The following ABCC9 variants were observed in gnomAD, a reference collection of about 807,000 sequenced individuals.
ABCC9 encodes ATP binding cassette subfamily C member 9.
A neutral mutation model predicts 188.3 loss-of-function variants in ABCC9; 95 were observed. The ratio of observed to expected loss-of-function variants is 0.50; its 90% CI spans 0.43 to 0.60. ABCC9 has a LOEUF of 0.60. Ranked by LOEUF, ABCC9 falls within the 20% of genes least tolerant of loss-of-function variation. ABCC9 has a pLI of 0.00. For missense variants in ABCC9, 1,102 were observed against 1,876.3 expected, an observed-to-expected ratio of 0.59 and a Z score of 7.62; for synonymous variants, 659 against 652.7, an observed-to-expected ratio of 1.01 and a Z score of -0.15.
Position 21,848,130 on chromosome 12 carries a change from A to T in ABCC9, c.2866+20T>A, listed in dbSNP as rs766343677. On this transcript the variant is annotated intron_variant, in intron 25 of 39. Transcript: ENST00000261200. ...CTGTTATCCCATTAGAATGTTCCAG[A>T]TAAAAGAAAAAAGATCTACCTTCGT... 5 of 1,607,200 alleles carry T rather than the reference A, an allele frequency of 3.1e-6. No individual in the cohort carries two copies. Among genetic ancestry groups the T allele is most frequent in the African/African-American group, 1.3e-5 (1 of 74,786 alleles).
chr12:21,811,581 C>A (rs541345127), intron 36 of ABCC9, among the ~76,000 whole-genome samples: 1 of 151,980 alleles, frequency 6.6e-6, no homozygotes, highest in East Asian at 1.9e-4. Flanking sequence ...ATATCCCCCC[C>A]GCCCTTTTTT....
intron 22 of ABCC9, 133 bp from the exon 23 acceptor site, chr12:21,852,638 A>G: frequency 9.2e-7 from 1 of 1,090,460 alleles, no homozygotes; most frequent in South Asian, 1.4e-5. Context: ...AAAAAAGGAT[A>G]AAGAAAAACT....
At chr12:21,869,980 T>A (rs971827077) in intron 18 of ABCC9, among the ~76,000 whole-genome samples, 39 of 152,200 alleles carry the variant, frequency 2.6e-4, no homozygotes, top group African/African-American at 7.0e-4. Flanking sequence ...GTAGTTAATT[T>A]CATTCCTGGA....
chr12:21,922,751 CTT>C (rs143763191), intron 5 of ABCC9, among the ~76,000 whole-genome samples: 8 of 119,088 alleles, frequency 6.7e-5, no homozygotes, highest in African/African-American at 9.1e-5. Flanking sequence ...TTTTTTTTTT[CTT>C]TTTTTTTTTT....
At position 21,815,816 on chromosome 12, in the gene ABCC9, T is replaced by A; in HGVS notation, c.3970A>T (p.Asn1324Tyr). 6.2e-7 allele frequency: 1 copy of A among 1,613,152 alleles called. No individual in the cohort carries two copies. Among genetic ancestry groups the A allele is most frequent in the Non-Finnish European group, 8.5e-7 (1 of 1,179,408 alleles). Residue 1324 changes from asparagine (N) to tyrosine (Y), a missense_variant, in exon 34 of 40, where the codon AAT becomes TAT. By Grantham distance (143) the Asn-to-Tyr change is moderately radical (BLOSUM62 -2). This residue lies in a region of ABCC9 where 143 missense variants were observed against 225.6 expected (regional missense o/e 0.63). Coordinates refer to ENST00000261200, the MANE Select transcript of ABCC9 (RefSeq NM_020297.4). ...IHDLCVRYENNLKPVLKHVKA... is the reference protein window; with the variant it reads ...IHDLCVRYENYLKPVLKHVKA... ...ACGTGCTTAAGAACAGGTTTCAGAT[T>A]ATTTTCATATCTGACACACAGATCA...
At chr12:21,809,503 C>T (rs1362671824) in intron 37 of ABCC9, among the ~76,000 whole-genome samples, 3 of 152,282 alleles carry the variant, frequency 2.0e-5, no homozygotes, top group East Asian at 3.9e-4. Flanking sequence ...TCCTTCCACT[C>T]ATTTCCTGAT....
At chr12:21,903,140 T>A (rs987291025) in intron 12 of ABCC9, among the ~76,000 whole-genome samples, 5 of 150,968 alleles carry the variant, frequency 3.3e-5, no homozygotes, top group African/African-American at 4.8e-5. Flanking sequence ...TCGTTCAACA[T>A]ACGCAAATCC....
chr12:21,897,742 A>C (rs1337767380), intron 12 of ABCC9, among the ~76,000 whole-genome samples: 2 of 152,188 alleles, frequency 1.3e-5, no homozygotes, highest in Non-Finnish European at 2.9e-5. Context: ...ATTTTGCTCC[A>C]TTGACTCAAG....
chr12:21,846,108 A>G (rs1007467131), intron 25 of ABCC9, among the ~76,000 whole-genome samples: 1 of 152,212 alleles, frequency 6.6e-6, no homozygotes, highest in African/African-American at 2.4e-5. Flanking sequence ...AGAAACTTAC[A>G]AAGTTATTGA....
intron 30 of ABCC9, among the ~76,000 whole-genome samples, chr12:21,831,896 G>A (rs1478991407): frequency 2.0e-5 from 3 of 152,132 alleles, no homozygotes; most frequent in African/African-American, 7.2e-5. Context: ...ACTTGATTCT[G>A]ACAAAGTGCT....
chr12:21,829,173 T>C (rs1346174835), intron 30 of ABCC9, 113 bp from the exon 31 acceptor site: 2 of 627,634 alleles, frequency 3.2e-6, no homozygotes, highest in Non-Finnish European at 5.9e-6. Context: ...TGGCATGGAA[T>C]GATCAGTAAA....
At chr12:21,868,335 A>G (rs1326926008) in intron 18 of ABCC9, among the ~76,000 whole-genome samples, 1 of 152,188 alleles carries the variant, frequency 6.6e-6, no homozygotes, top group Non-Finnish European at 1.5e-5. Context: ...GTGCATGAGG[A>G]CACATTCAAA....
At position 21,910,403 on chromosome 12, in the gene ABCC9, A is replaced by T. The variant is rs4148656; in HGVS notation, c.1165-91T>A. The T allele has an allele frequency of 6.8e-5, 90 of 1,330,210 alleles. No individual in the cohort carries two copies. In the African/African-American group the frequency reaches 1.1e-3, roughly 16 times the overall value. 82.4% of individuals were successfully genotyped at this position (1,330,210 alleles called of 1,614,324 possible). A position where few individuals can be genotyped will look rare whatever the true frequency, so the allele number is the denominator to read the frequency against. On this transcript the variant is annotated intron_variant, in intron 9 of 39. Transcript: ENST00000261200. ...ACTGAAAATAAATAACAAACATTTA[A>T]TTTTTTTGAGAAAAAAGAAAAGAAA...
intron 4 of ABCC9, among the ~76,000 whole-genome samples, chr12:21,931,231 G>A (rs570484266): frequency 6.6e-6 from 1 of 151,994 alleles, no homozygotes; most frequent in Non-Finnish European, 1.5e-5. Flanking sequence ...GTTCTCACGA[G>A]ATCTGATGGT....
rs370520254 is a variant in ABCC9 at position 21,887,954 on chromosome 12, C to T, written c.1803-20G>A. ...TGAACACTGCAAAAAACAATAAACA[C>T]AGAATAAGAGTTAACAATAAAACCA... On this transcript the variant is annotated intron_variant, in intron 14 of 39. Coordinates refer to ENST00000261200, the MANE Select transcript of ABCC9 (RefSeq NM_020297.4). 1.3e-6 allele frequency: 2 copies of T among 1,564,750 alleles called. No individual in the cohort carries two copies. Among genetic ancestry groups the T allele is most frequent in the African/African-American group, 2.7e-5 (2 of 73,816 alleles).
chr12:21,890,715 C>T lies in ABCC9; in HGVS notation c.1803-2781G>A, dbSNP rs374553676. ...AACCATCATTCTCAGCAAACTATCGCAAGGACAAAAAACGAAACACCGCAT... is the reference window on the plus strand; with the variant it reads ...AACCATCATTCTCAGCAAACTATCGTAAGGACAAAAAACGAAACACCGCAT... On this transcript the variant is annotated intron_variant, in intron 14 of 39. Coordinates refer to ENST00000261200, the MANE Select transcript of ABCC9 (RefSeq NM_020297.4). Among the ~76,000 whole-genome samples the T allele has an allele frequency of 4.7e-5, 7 of 150,110 alleles. No individual in the cohort carries two copies. The East Asian group carries it at 1.2e-3, about 26-fold the overall frequency.
Position 21,910,274 on chromosome 12 carries a change from A to G in ABCC9, c.1203T>C (p.Ser401=). 1 of 1,609,746 alleles carries G rather than the reference A, an allele frequency of 6.2e-7. No homozygotes were observed. Among genetic ancestry groups the G allele is most frequent in the Non-Finnish European group, 8.5e-7 (1 of 1,177,846 alleles). The change falls in exon 10 of 40, where the codon TCT becomes TCC. Residue 401 remains serine (S), a synonymous_variant. Coordinates refer to ENST00000261200, the MANE Select transcript of ABCC9 (RefSeq NM_020297.4). The stretch of plus-strand genomic sequence containing the variant: ...GAGTCATCTCCCCCATGGATAAGTT[A>G]GACGTAGAGAGCCTAAGGATTTTAT... The part of the protein sequence containing the change: ...IYNKILRLST[S]NLSMGEMTLG...
intron 16 of ABCC9, among the ~76,000 whole-genome samples, chr12:21,879,781 T>A (rs1946534131): frequency 6.6e-6 from 1 of 151,262 alleles, no homozygotes; most frequent in Non-Finnish European, 1.5e-5. Context: ...AAGGAAAAAA[T>A]ACAAATTCAA....
intron 29 of ABCC9, among the ~76,000 whole-genome samples, chr12:21,840,791 C>T (rs960468634): frequency 2.0e-5 from 3 of 152,136 alleles, no homozygotes; most frequent in Admixed American, 1.3e-4. Context: ...AAATGTGGAT[C>T]CCTGACATTT....
Sources: gnomAD v4.1 joint callset for allele counts (sites outside exome capture counted in the v4.1 genomes callset) on GRCh38, gnomAD v4.1.1 for gene constraint, gnomAD v4.1.1 regional missense constraint, MANE v1.5 for transcripts, NCBI Gene and HGNC (gene_info 2026-07-23, HGNC 2026-07-21) for gene names.